SLC10A6: variants seen among roughly 807,000 people sequenced by gnomAD.
The protein encoded by SLC10A6 is solute carrier family 10 member 6, also known as sodium-dependent organic anion transporter.
SLC10A6 carries 27 observed loss-of-function variants against 30.0 expected under a neutral mutation model. The observed-to-expected ratio is 0.90, with a 90% confidence interval of 0.66 to 1.24. SLC10A6 has a LOEUF of 1.24. Ranked by LOEUF, SLC10A6 falls within the 50% of genes most tolerant of loss-of-function variation. SLC10A6 has a pLI of 0.00. For missense variants in SLC10A6, 439 were observed against 457.0 expected, an observed-to-expected ratio of 0.96 and a Z score of 0.36; for synonymous variants, 166 against 173.8, an observed-to-expected ratio of 0.95 and a Z score of 0.36.
chr4:86,835,903 G>A (rs1473023091), intron 1 of SLC10A6, among the ~76,000 whole-genome samples: 1 of 151,836 alleles, frequency 6.6e-6, no homozygotes, highest in Non-Finnish European at 1.5e-5. Context: ...AGTTAGAGGG[G>A]TTGTGTTAAG....
intron 1 of SLC10A6, among the ~76,000 whole-genome samples, chr4:86,837,154 C>T (rs1415792844): frequency 6.7e-6 from 1 of 148,448 alleles, no homozygotes; most frequent in Non-Finnish European, 1.5e-5. Context: ...ATTGTAAAGC[C>T]TCCTTTGCTC....
intron 1 of SLC10A6, among the ~76,000 whole-genome samples, chr4:86,846,902 CA>C (rs1411911916): frequency 4.6e-5 from 7 of 152,084 alleles, no homozygotes; most frequent in African/African-American, 1.2e-4. Context: ...TAAGAGTTGG[CA>C]AAAGAAAGTA....
In SLC10A6 at chr4:86,831,695, G is replaced by A. The variant is rs547160851; in HGVS notation, c.585+97C>T. 40 of 961,998 alleles carry A rather than the reference G, an allele frequency of 4.2e-5. 1 individual carries two copies. Among genetic ancestry groups the A allele is most frequent in the East Asian group, 1.6e-4 (6 of 38,030 alleles). The allele number at this position is 961,998 out of a possible 1,614,324, so 59.6% of individuals were successfully genotyped here. A position where few individuals can be genotyped will look rare whatever the true frequency, so the allele number is the denominator to read the frequency against. On this transcript the variant is annotated intron_variant, in intron 3 of 5. Coordinates refer to ENST00000273905, the MANE Select transcript of SLC10A6 (RefSeq NM_197965.3). Reference sequence around the variant, plus strand: ...AAGAAGAATTTCTGGGTGTGGGGCCGTACTCAACAAGCTCACTTGTCCCAG... The same window carrying A: ...AAGAAGAATTTCTGGGTGTGGGGCCATACTCAACAAGCTCACTTGTCCCAG...
intron 1 of SLC10A6, among the ~76,000 whole-genome samples, chr4:86,845,250 T>C (rs1746374065): frequency 6.6e-6 from 1 of 152,042 alleles, no homozygotes; most frequent in South Asian, 2.1e-4. Context: ...GGAGACAAAA[T>C]AAGGTCAGTT....
chr4:86,827,899 T>G (rs1483248563), intron 4 of SLC10A6, 94 bp downstream of exon 4: 4 of 1,210,872 alleles, frequency 3.3e-6, no homozygotes, highest in Non-Finnish European at 4.6e-6. Flanking sequence ...AAGTCAAAAC[T>G]CTTCATGTCT....
At position 86,825,451 on chromosome 4, in the gene SLC10A6, G is replaced by C; in HGVS notation, c.888C>G (p.Phe296Leu). Residue 296 changes from phenylalanine to leucine, a missense_variant, in exon 5 of 6, where the codon TTC becomes TTG. Phe to Leu is a conservative substitution (Grantham distance 22, BLOSUM62 0). Coordinates refer to ENST00000273905, the MANE Select transcript of SLC10A6 (RefSeq NM_197965.3). The stretch of plus-strand genomic sequence containing the variant: ...CAATAAGAAATCCATCTATCAGCTG[G>C]AAGAGTCCATAGGCCAGTGGGAAAC... Reference protein sequence around the residue: ...MLSFPLAYGLFQLIDGFLIVA... With the variant: ...MLSFPLAYGLLQLIDGFLIVA... 2 of 1,606,742 alleles carry C rather than the reference G, an allele frequency of 1.2e-6. No individual in the cohort carries two copies. Among genetic ancestry groups the C allele is most frequent in the Non-Finnish European group, 1.7e-6 (2 of 1,174,212 alleles).
chr4:86,832,784 A>G (rs1423223704), intron 2 of SLC10A6, among the ~76,000 whole-genome samples: 2 of 152,178 alleles, frequency 1.3e-5, no homozygotes, highest in Non-Finnish European at 2.9e-5. Flanking sequence ...TGAGACTGTG[A>G]CATGTAGATG....
At chr4:86,826,680 A>G (rs1746006033) in intron 4 of SLC10A6, among the ~76,000 whole-genome samples, 2 of 152,214 alleles carry the variant, frequency 1.3e-5, no homozygotes. Flanking sequence ...CTACTTTTCT[A>G]TACTTTATTG....
At chr4:86,846,296 T>G (rs1048333567) in intron 1 of SLC10A6, among the ~76,000 whole-genome samples, 1 of 152,196 alleles carries the variant, frequency 6.6e-6, no homozygotes, top group Non-Finnish European at 1.5e-5. Context: ...TTTTTAGTTT[T>G]GTTGGTAAGA....
At chr4:86,828,931 C>A (rs902885896) in intron 3 of SLC10A6, among the ~76,000 whole-genome samples, 8 of 152,084 alleles carry the variant, frequency 5.3e-5, no homozygotes, top group African/African-American at 1.9e-4. Context: ...AACTGTGTAC[C>A]TAGTTACAGT....
At chr4:86,837,386 A>G (rs1038476697) in intron 1 of SLC10A6, among the ~76,000 whole-genome samples, 1 of 150,922 alleles carries the variant, frequency 6.6e-6, no homozygotes, top group African/African-American at 2.5e-5. Context: ...AGTAAGCAAA[A>G]CATCATGTTG....
At chr4:86,845,288 G>A (rs1266939926) in intron 1 of SLC10A6, among the ~76,000 whole-genome samples, 2 of 152,114 alleles carry the variant, frequency 1.3e-5, no homozygotes, top group African/African-American at 4.8e-5. Flanking sequence ...GAACAACATG[G>A]GCAAAAGAAA....
At chr4:86,835,431 C>G (rs910186325) in intron 1 of SLC10A6, among the ~76,000 whole-genome samples, 15 of 152,122 alleles carry the variant, frequency 9.9e-5, no homozygotes, top group Non-Finnish European at 1.5e-5. Flanking sequence ...CTTTGGGAGG[C>G]CAAGGCGGGC....
intron 1 of SLC10A6, 23 bp from the exon 2 acceptor site, chr4:86,833,447 G>C: frequency 6.5e-7 from 1 of 1,548,322 alleles, no homozygotes; most frequent in Non-Finnish European, 8.9e-7. Flanking sequence ...TTAATACAAT[G>C]CTTAGGAGGG....
Position 86,833,359 on chromosome 4 carries a change from T to A in SLC10A6, c.443A>T (p.Tyr148Phe). 1 of 1,614,058 alleles carries A rather than the reference T, an allele frequency of 6.2e-7. No individual in the cohort carries two copies. Residue 148 changes from tyrosine to phenylalanine, a missense_variant, in exon 2 of 6, where the codon TAC becomes TTC. Coordinates refer to ENST00000273905, the MANE Select transcript of SLC10A6 (RefSeq NM_197965.3). ...LGMMPLCIYL[Y>F]TWSWSLQQNL... ...CTGCTGAAGACTCCAGGACCAGGTG[T>A]AGAGATAAATGCAGAGTGGCATCAT...
At chr4:86,838,912 CAAAAAAAAAAAAA>C (rs149710895) in intron 1 of SLC10A6, among the ~76,000 whole-genome samples, 1 of 75,944 alleles carries the variant, frequency 1.3e-5, no homozygotes, top group South Asian at 5.3e-4. Context: ...GACAGTGTCT[CAAAAAAAAAAAAA>C]AAAAAAAAAA....
At chr4:86,843,451 C>T (rs755045264) in intron 1 of SLC10A6, among the ~76,000 whole-genome samples, 2 of 152,056 alleles carry the variant, frequency 1.3e-5, no homozygotes, top group Non-Finnish European at 2.9e-5. Flanking sequence ...GGAGAAACTA[C>T]GGTAGAGGAA....
At position 86,842,709 on chromosome 4, in the gene SLC10A6, AAAGAAAAG is replaced by A. The variant is rs1436665452; in HGVS notation, c.377+6022_377+6029del. On this transcript the variant is annotated intron_variant, in intron 1 of 5. Coordinates refer to ENST00000273905, the MANE Select transcript of SLC10A6 (RefSeq NM_197965.3). ...TAAGACCCTGTCTCAAAAAAAAAAAAAAGAAAAGAAAAGAAAAGAAAAGAAAAGACAAG... is the reference window on the plus strand; with the variant it reads ...TAAGACCCTGTCTCAAAAAAAAAAAAAAAAGAAAAGAAAAGAAAAGACAAG... 2.3e-5 allele frequency among the ~76,000 whole-genome samples: 2 copies of A among 87,464 alleles called. 1 individual carries two copies. The highest frequency in any genetic ancestry group is 9.1e-5 in the African/African-American group (2 of 21,914). The allele number at this position is 87,464 out of a possible 152,430, so 57.4% of individuals were successfully genotyped here.
chr4:86,825,689 G>T, intron 4 of SLC10A6, 112 bp from the exon 5 acceptor site: 1 of 1,123,140 alleles, frequency 8.9e-7, no homozygotes, highest in Non-Finnish European at 1.2e-6. Context: ...CACTGAAAAT[G>T]TGTACTCATT....
Sources: allele counts gnomAD v4.1 joint callset (sites outside exome capture counted in the v4.1 genomes callset), GRCh38; gene constraint gnomAD v4.1.1; transcripts MANE v1.5; gene names NCBI Gene and HGNC (gene_info 2026-07-23, HGNC 2026-07-21).